Variants in DUSP22 observed in about 807,000 individuals in gnomAD.
DUSP22 encodes dual specificity protein phosphatase 22.
In DUSP22, 24 loss-of-function variants were observed where a neutral mutation model predicts 24.5. The ratio of observed to expected loss-of-function variants is 0.98; its 90% confidence interval spans 0.71 to 1.38. The LOEUF is 1.38. Ranked by LOEUF, DUSP22 falls within the 40% of genes most tolerant of loss-of-function variation. DUSP22 has a pLI of 0.00. For missense variants in DUSP22, 330 were observed against 269.2 expected, an observed-to-expected ratio of 1.23 and a Z score of -1.58; for synonymous variants, 160 against 106.4, an observed-to-expected ratio of 1.50 and a Z score of -3.10.
At chr6:301,210 A>G (rs1757566954) in intron 1 of DUSP22, among the ~76,000 whole-genome samples, 2 of 152,268 alleles carry the variant, frequency 1.3e-5, no homozygotes, top group Admixed American at 1.3e-4. Context: ...GAAAACCAAT[A>G]AGATAAATGG....
intron 3 of DUSP22, among the ~76,000 whole-genome samples, chr6:330,244 GT>G (rs1759081648): frequency 6.6e-6 from 1 of 152,310 alleles, no homozygotes; most frequent in Non-Finnish European, 1.5e-5. Flanking sequence ...CCATTGCGTG[GT>G]TTCCTGATCC....
In DUSP22 at chr6:304,565, C is replaced by T. The variant is rs1181386123; in HGVS notation, c.22-63C>T. On this transcript the variant is annotated intron_variant, in intron 1 of 6. Transcript: ENST00000419235. ...GGGATCCTGCTGCTGGATGAGGCCC[C>T]CTTCTGCAATACCATCCACTTAGAG... 4.3e-6 allele frequency: 7 copies of T among 1,611,172 alleles called. No homozygotes were observed. In the Admixed American group the frequency reaches 1.2e-4, roughly 27 times the overall value.
At chr6:315,083 C>T (rs1410072097) in intron 3 of DUSP22, among the ~76,000 whole-genome samples, 1 of 152,300 alleles carries the variant, frequency 6.6e-6, no homozygotes, top group Non-Finnish European at 1.5e-5. Flanking sequence ...TGTGTTTATC[C>T]ACTGGACCAT....
At chr6:303,582 G>A (rs1361462916) in intron 1 of DUSP22, among the ~76,000 whole-genome samples, 2 of 152,306 alleles carry the variant, frequency 1.3e-5, no homozygotes, top group Non-Finnish European at 2.9e-5. Context: ...CTGCAGGGTT[G>A]GCAGACAGTG....
intron 4 of DUSP22, among the ~76,000 whole-genome samples, chr6:341,842 T>C (rs1759622724): frequency 6.6e-6 from 1 of 152,300 alleles, no homozygotes; most frequent in Non-Finnish European, 1.5e-5. Flanking sequence ...CCTCAGCTCC[T>C]TCACACGCCC....
At chr6:309,594 G>T (rs1253218162) in intron 2 of DUSP22, among the ~76,000 whole-genome samples, 2 of 152,214 alleles carry the variant, frequency 1.3e-5, no homozygotes, top group Non-Finnish European at 1.5e-5. Context: ...TGTTAGAGAT[G>T]GAGATTCCTC....
At chr6:294,742 A>G (rs1757248064) in intron 1 of DUSP22, among the ~76,000 whole-genome samples, 1 of 152,420 alleles carries the variant, frequency 6.6e-6, no homozygotes, top group Middle Eastern at 3.4e-3. Flanking sequence ...ACTGTGGCTA[A>G]TGGCTGCTGT....
At chr6:339,888 T>C (rs529015542) in intron 4 of DUSP22, among the ~76,000 whole-genome samples, 73 of 152,392 alleles carry the variant, frequency 4.8e-4, no homozygotes, top group African/African-American at 1.6e-3. Context: ...TGAGAGCTAG[T>C]TGGGCCCTTG....
chr6:310,045 C>T (rs1003025939), intron 2 of DUSP22, among the ~76,000 whole-genome samples: 9 of 152,302 alleles, frequency 5.9e-5, no homozygotes, highest in African/African-American at 1.9e-4. Context: ...ACTGCAACCT[C>T]CGCCTCCTGG....
chr6:350,752 C>T lies in DUSP22; in HGVS notation c.*1801C>T. The T allele has an allele frequency of 1.2e-6, 2 of 1,613,808 alleles. No individual in the cohort carries two copies. The highest frequency in any genetic ancestry group is 1.7e-6 in the Non-Finnish European group (2 of 1,179,850). ...TAAATATGTGCACCTTTACAAACCT[C>T]TCAGTGTATTCTTGGAGTTCTTGAA... On this transcript the variant is annotated 3_prime_UTR_variant, in exon 7 of 7. Coordinates refer to ENST00000419235, the MANE Select transcript of DUSP22 (RefSeq NM_001286555.3).
intron 1 of DUSP22, among the ~76,000 whole-genome samples, chr6:301,489 T>C (rs1561647648): frequency 1.3e-5 from 2 of 152,306 alleles, no homozygotes; most frequent in East Asian, 1.9e-4. Flanking sequence ...ATTTTTTAAG[T>C]AAAAGGGTTG....
intron 3 of DUSP22, 36 bp from the exon 4 acceptor site, chr6:335,078 T>G (rs765174826): frequency 1.2e-6 from 2 of 1,604,622 alleles, no homozygotes; most frequent in South Asian, 1.1e-5. Flanking sequence ...GTTTCATGTT[T>G]TTATTTTTAT....
At chr6:339,942 C>T (rs1759527636) in intron 4 of DUSP22, among the ~76,000 whole-genome samples, 1 of 152,302 alleles carries the variant, frequency 6.6e-6, no homozygotes, top group East Asian at 1.9e-4. Context: ...AGGGCTCTGC[C>T]AGCCCATAGT....
chr6:332,842 G>C (rs933322730), intron 3 of DUSP22, among the ~76,000 whole-genome samples: 3 of 152,302 alleles, frequency 2.0e-5, no homozygotes, highest in Admixed American at 1.3e-4. Flanking sequence ...CTTCTGGTCT[G>C]TCTGGAGGTG....
At chr6:320,769 G>A (rs61224340) in intron 3 of DUSP22, among the ~76,000 whole-genome samples, 1,156 of 151,932 alleles carry the variant, frequency 7.6e-3, no homozygotes, top group African/African-American at 0.026. Context: ...GGTCAGGGAG[G>A]GGGAGATGAG....
At chr6:331,263 T>C (rs1759127889) in intron 3 of DUSP22, among the ~76,000 whole-genome samples, 1 of 152,306 alleles carries the variant, frequency 6.6e-6, no homozygotes, top group Admixed American at 6.5e-5. Context: ...ATTTATTTAG[T>C]GAGACTTTTA....
intron 6 of DUSP22, 197 bp from the exon 7 acceptor site, chr6:348,572 G>A (rs1760001509): frequency 3.0e-6 from 3 of 1,005,756 alleles, no homozygotes; most frequent in South Asian, 3.3e-5. Context: ...TCATGTCCTA[G>A]GCCAGCACCT....
chr6:349,890 C>T lies in DUSP22; in HGVS notation c.*939C>T, dbSNP rs1000506874. 1.0e-6 allele frequency: 1 copy of T among 985,930 alleles called. No individual in the cohort carries two copies. The highest frequency in any genetic ancestry group is 1.2e-6 in the Non-Finnish European group (1 of 830,370). The allele number at this position is 985,930 out of a possible 1,614,324, so 61.1% of individuals were successfully genotyped here. A position where few individuals can be genotyped will look rare whatever the true frequency, so the allele number is the denominator to read the frequency against. On this transcript the variant is annotated 3_prime_UTR_variant, in exon 7 of 7. Transcript: ENST00000419235. Reference sequence around the variant, plus strand: ...TGGGTGCCCCAGGGCACCCCCTCCTCTCTGCTCCTTGCCAGCTTCATTCAC... The same window carrying T: ...TGGGTGCCCCAGGGCACCCCCTCCTTTCTGCTCCTTGCCAGCTTCATTCAC...
At chr6:311,666 T>C (rs1465080410) in intron 2 of DUSP22, among the ~76,000 whole-genome samples, 2 of 150,236 alleles carry the variant, frequency 1.3e-5, no homozygotes, top group South Asian at 4.2e-4. Context: ...GGCGACAGAG[T>C]GAGACTCCGT....
Sources: gnomAD v4.1 joint callset for allele counts (sites outside exome capture counted in the v4.1 genomes callset) on GRCh38, gnomAD v4.1.1 for gene constraint, MANE v1.5 for transcripts, NCBI Gene and HGNC (gene_info 2026-07-23, HGNC 2026-07-21) for gene names.